Variants in SEMA3A observed in about 807,000 individuals in gnomAD.
SEMA3A encodes semaphorin 3A, also known as semaphorin-3A.
SEMA3A carries 29 observed loss-of-function variants against 97.9 expected under a neutral mutation model. The ratio of observed to expected loss-of-function variants is 0.30; its 90% CI spans 0.22 to 0.40. The LOEUF (loss-of-function observed/expected upper bound fraction) is 0.40, where lower values mean the gene tolerates loss of function less well. Among genes scored for constraint, SEMA3A ranks in the 10% least tolerant of loss-of-function variants. The probability of loss-of-function intolerance (pLI) is 1.00; values close to 1 mark genes in which losing one functional copy is unlikely to be tolerated. For synonymous variants in SEMA3A, 321 were observed against 323.7 expected (o/e 0.99, Z 0.09); for missense variants, 763 against 951.3 (o/e 0.80, Z 2.60).
At position 84,390,773 on chromosome 7, in the gene SEMA3A, G is replaced by A. The variant is rs185001103; in HGVS notation, c.-245-18873C>T. Among the ~76,000 whole-genome samples, 144 of 152,084 alleles carry A rather than the reference G, an allele frequency of 9.5e-4. 1 individual carries two copies. Among genetic ancestry groups the A allele is most frequent in the African/African-American group, 3.2e-3 (131 of 41,490 alleles). On this transcript the variant is annotated intron_variant, in intron 1 of 3. Coordinates refer to the SEMA3A transcript ENST00000424555. ...TTAAGATTTAGTGAAATATTTTCTC[G>A]AACTGTTAACTGAATCATTTTGGGA...
At chr7:84,344,008 G>T (rs199957289) in intron 2 of SEMA3A, among the ~76,000 whole-genome samples, 1 of 147,834 alleles carries the variant, frequency 6.8e-6, no homozygotes, top group Non-Finnish European at 1.5e-5. Flanking sequence ...ACTTTGTTTC[G>T]GGGAAAAAAA....
chr7:84,166,107 T>C (rs538215552), intron 1 of SEMA3A, among the ~76,000 whole-genome samples: 1 of 151,680 alleles, frequency 6.6e-6, no homozygotes, highest in African/African-American at 2.4e-5. Flanking sequence ...ACACTCTCTC[T>C]TGAAAAAGTA....
intron 5 of SEMA3A, 71 bp from the exon 6 acceptor site, chr7:84,046,514 A>G: frequency 3.2e-6 from 5 of 1,564,894 alleles, no homozygotes; most frequent in Non-Finnish European, 4.4e-6. Context: ...AACAAAACAA[A>G]CAAAATGCAA....
intron 1 of SEMA3A, among the ~76,000 whole-genome samples, chr7:84,425,145 T>C (rs1334621999): frequency 9.0e-6 from 1 of 110,876 alleles, no homozygotes. Flanking sequence ...AAATATTATA[T>C]ATATTTATAT....
At chr7:84,259,474 T>A (rs1799794351) in intron 3 of SEMA3A, among the ~76,000 whole-genome samples, 3 of 151,866 alleles carry the variant, frequency 2.0e-5, no homozygotes, top group Admixed American at 2.0e-4. Context: ...GTCCATGAGG[T>A]GTAGGGAATT....
chr7:84,429,692 G>A (rs1461083057), intron 1 of SEMA3A, among the ~76,000 whole-genome samples: 1 of 150,558 alleles, frequency 6.6e-6, no homozygotes, highest in Non-Finnish European at 1.5e-5. Context: ...TTAGGTGGGG[G>A]TAGGAGAGGA....
chr7:83,992,248 G>A (rs1477493450), intron 12 of SEMA3A, among the ~76,000 whole-genome samples: 1 of 149,642 alleles, frequency 6.7e-6, no homozygotes, highest in Non-Finnish European at 1.5e-5. Context: ...TATCAATTTT[G>A]TTGATCCTTT....
rs60380985 is a variant in SEMA3A at position 84,376,603 on chromosome 7, CAAAAAAA to C, written c.-245-4710_-245-4704del. The stretch of plus-strand genomic sequence containing the variant: ...TGGGCGACAGAGCGAGACTCCGTCT[CAAAAAAA>C]AAAAAAAAAAAAAAAAAAAAAAGAA... On this transcript the variant is annotated intron_variant, in intron 1 of 3. Transcript: ENST00000424555. Among the ~76,000 whole-genome samples, 5 of 36,440 alleles carry C rather than the reference CAAAAAAA, an allele frequency of 1.4e-4. No homozygotes were observed. The South Asian group carries it at 6.8e-3, about 50-fold the overall frequency. 23.9% of individuals were successfully genotyped at this position (36,440 alleles called of 152,430 possible). A position where few individuals can be genotyped will look rare whatever the true frequency, so the allele number is the denominator to read the frequency against.
chr7:83,984,393 T>C (rs901526436), intron 13 of SEMA3A, among the ~76,000 whole-genome samples: 3 of 152,090 alleles, frequency 2.0e-5, no homozygotes, highest in Non-Finnish European at 4.4e-5. Flanking sequence ...AGATTATCGA[T>C]CTATTTTGAT....
chr7:84,065,242 C>A (rs1793432259), intron 4 of SEMA3A, among the ~76,000 whole-genome samples: 4 of 131,824 alleles, frequency 3.0e-5, no homozygotes, highest in South Asian at 3.0e-4. Flanking sequence ...ACACAACATA[C>A]CAGAATCTCT....
At chr7:84,165,175 C>T (rs1797161738) in intron 1 of SEMA3A, among the ~76,000 whole-genome samples, 1 of 151,948 alleles carries the variant, frequency 6.6e-6, no homozygotes, top group African/African-American at 2.4e-5. Context: ...CCATTGCACT[C>T]CCGCCTGGGT....
chr7:84,141,784 G>A (rs141655103), intron 1 of SEMA3A, among the ~76,000 whole-genome samples: 1 of 152,122 alleles, frequency 6.6e-6, no homozygotes, highest in Non-Finnish European at 1.5e-5. Flanking sequence ...AGAACATGCA[G>A]TATTTGGTTT....
intron 2 of SEMA3A, among the ~76,000 whole-genome samples, chr7:84,309,720 G>C (rs543965090): frequency 2.6e-5 from 4 of 152,310 alleles, no homozygotes; most frequent in African/African-American, 7.2e-5. Flanking sequence ...GGTCAAGGCA[G>C]TCTTCTGTAT....
intron 4 of SEMA3A, among the ~76,000 whole-genome samples, chr7:84,068,434 A>C (rs1370196390): frequency 1.3e-5 from 2 of 148,258 alleles, no homozygotes; most frequent in Non-Finnish European, 2.9e-5. Context: ...TAAAAAAAAA[A>C]AAAAACTGGA....
rs59656940 is a variant in SEMA3A at position 84,488,349 on chromosome 7, C to CACACAT, written c.-246+4110_-246+4111insATGTGT. Among the ~76,000 whole-genome samples, 47 of 145,550 alleles carry CACACAT rather than the reference C, an allele frequency of 3.2e-4. No homozygotes were observed. The South Asian group carries it at 6.1e-3, about 19-fold the overall frequency. ...ACACACACACACACACACACACACA[C>CACACAT]ATATATATATGTACTCCCCACAGAT... On this transcript the variant is annotated intron_variant, in intron 1 of 3. Transcript: ENST00000424555.
chr7:84,313,707 G>C (rs1031289555), intron 2 of SEMA3A, among the ~76,000 whole-genome samples: 1 of 151,722 alleles, frequency 6.6e-6, no homozygotes, highest in Non-Finnish European at 1.5e-5. Flanking sequence ...CTAAGCGACA[G>C]AATCCAATTT....
chr7:84,166,512 A>G (rs1488975864), intron 1 of SEMA3A, among the ~76,000 whole-genome samples: 2 of 148,982 alleles, frequency 1.3e-5, no homozygotes, highest in Non-Finnish European at 3.0e-5. Context: ...CGGAGGTTGC[A>G]GTGAGCCGAG....
At chr7:84,182,074 G>A (rs1299394259) in intron 1 of SEMA3A, among the ~76,000 whole-genome samples, 1 of 151,996 alleles carries the variant, frequency 6.6e-6, no homozygotes, top group African/African-American at 2.4e-5. Context: ...CCTTTAAGTT[G>A]CTCTCAACAT....
chr7:83,986,651 G>C (rs1238002663), intron 12 of SEMA3A, among the ~76,000 whole-genome samples: 1 of 152,138 alleles, frequency 6.6e-6, no homozygotes, highest in Non-Finnish European at 1.5e-5. Context: ...ATAAGAAAGA[G>C]GCTTAGGTGG....
Sources: gnomAD v4.1 joint callset for allele counts (sites outside exome capture counted in the v4.1 genomes callset) on GRCh38, gnomAD v4.1.1 for gene constraint, MANE v1.5 for transcripts, NCBI Gene and HGNC (gene_info 2026-07-23, HGNC 2026-07-21) for gene names.